Variants in AK3 observed in about 807,000 individuals in gnomAD.
AK3 encodes GTP:AMP phosphotransferase AK3, mitochondrial.
AK3 carries 27 observed loss-of-function variants against 23.7 expected under a neutral mutation model. The observed-to-expected ratio is 1.14, with a 90% confidence interval of 0.84 to 1.57. The LOEUF is 1.57. Ranked by LOEUF, AK3 falls within the 40% of genes most tolerant of loss-of-function variation. AK3 has a pLI of 0.00. For missense variants in AK3, 406 were observed against 285.6 expected, an observed-to-expected ratio of 1.42 and a Z score of -3.04; for synonymous variants, 159 against 116.0, an observed-to-expected ratio of 1.37 and a Z score of -2.38.
intron 2 of AK3, 78 bp from the exon 3 acceptor site, chr9:4,719,385 A>C: frequency 9.2e-7 from 1 of 1,087,184 alleles, no homozygotes; most frequent in Non-Finnish European, 1.3e-6. Flanking sequence ...TGGAGAAAGA[A>C]GAAAGAAAAA....
intron 1 of AK3, among the ~76,000 whole-genome samples, chr9:4,734,123 G>T (rs908065054): frequency 6.6e-6 from 1 of 152,156 alleles, no homozygotes; most frequent in Non-Finnish European, 1.5e-5. Context: ...GGTCATAATG[G>T]GAGGGCACTA....
rs933300875 is a variant in AK3 at position 4,711,340 on chromosome 9, A to G, written c.*1636T>C. Reference sequence around the variant, plus strand: ...ATGCTTGATAACCTAGTGATAATCCATAAGTTTGGTATTTCACAACATTTT... The same window carrying G: ...ATGCTTGATAACCTAGTGATAATCCGTAAGTTTGGTATTTCACAACATTTT... On this transcript the variant is annotated 3_prime_UTR_variant, in exon 5 of 5. Transcript: ENST00000381809. 2 of 151,894 alleles carry G rather than the reference A, an allele frequency of 1.3e-5. No homozygotes were observed. Among genetic ancestry groups the G allele is most frequent in the South Asian group, 2.1e-4 (1 of 4,830 alleles). 9.4% of individuals were successfully genotyped at this position (151,894 alleles called of 1,614,324 possible).
At chr9:4,729,837 A>G (rs1367049305) in intron 1 of AK3, among the ~76,000 whole-genome samples, 3 of 151,740 alleles carry the variant, frequency 2.0e-5, no homozygotes, top group African/African-American at 4.8e-5. Context: ...GTCTCTTAAA[A>G]AAAAAAAAAA....
intron 1 of AK3, among the ~76,000 whole-genome samples, chr9:4,736,997 G>A (rs1429105845): frequency 6.7e-6 from 1 of 149,296 alleles, no homozygotes; most frequent in African/African-American, 2.4e-5. Flanking sequence ...TCTCTGAGAC[G>A]CACTATGCTA....
At chr9:4,723,410 C>T (rs1841950560) in intron 1 of AK3, among the ~76,000 whole-genome samples, 1 of 152,136 alleles carries the variant, frequency 6.6e-6, no homozygotes, top group Non-Finnish European at 1.5e-5. Context: ...GTGCTGCTAT[C>T]GTGACACAAT....
At chr9:4,734,764 TATGA>T (rs1309616257) in intron 1 of AK3, among the ~76,000 whole-genome samples, 1 of 152,232 alleles carries the variant, frequency 6.6e-6, no homozygotes, top group Non-Finnish European at 1.5e-5. Flanking sequence ...TTCACCAACT[TATGA>T]ATGGATAAAT....
intron 4 of AK3, among the ~76,000 whole-genome samples, chr9:4,715,391 C>CTTTTT (rs35400602): frequency 1.6e-5 from 2 of 127,116 alleles, no homozygotes; most frequent in East Asian, 2.3e-4. Flanking sequence ...TCCCTTACTA[C>CTTTTT]TTTTTTTTTT....
rs7028711 is a variant in AK3 at position 4,710,247 on chromosome 9, G to C, written c.*2729C>G. 1.3e-5 allele frequency: 2 copies of C among 151,666 alleles called. No homozygotes were observed. The highest frequency in any genetic ancestry group is 2.9e-5 in the Non-Finnish European group (2 of 68,046). 9.4% of individuals were successfully genotyped at this position (151,666 alleles called of 1,614,324 possible). ...TTTTGAGACGGAGTCTCCCTCTGTC[G>C]CCCAGGCTGGAGTGCAGTGGCACGA... On this transcript the variant is annotated 3_prime_UTR_variant, in exon 5 of 5. Transcript: ENST00000381809.
At chr9:4,732,154 G>A (rs990818797) in intron 1 of AK3, among the ~76,000 whole-genome samples, 4 of 151,900 alleles carry the variant, frequency 2.6e-5, no homozygotes, top group African/African-American at 9.7e-5. Flanking sequence ...GTCTTGCTTT[G>A]CCCAAGCTGG....
At chr9:4,741,274 T>C (rs1842427924), upstream of AK3, 3 of 535,664 alleles carry the variant, frequency 5.6e-6, no homozygotes, top group South Asian at 1.2e-4. Flanking sequence ...GACCCCGCTG[T>C]TGCGTCCGCC....
intron 2 of AK3, among the ~76,000 whole-genome samples, chr9:4,719,965 G>A (rs1841850770): frequency 2.5e-5 from 1 of 39,848 alleles, no homozygotes; most frequent in Non-Finnish European, 5.1e-5. Flanking sequence ...GTTGGGAGGC[G>A]AGGTGGGAGA....
In AK3 at chr9:4,712,870, T is replaced by A. The variant is rs1366234067; in HGVS notation, c.*106A>T. On this transcript the variant is annotated 3_prime_UTR_variant, in exon 5 of 5. Coordinates refer to ENST00000381809, the MANE Select transcript of AK3 (RefSeq NM_016282.4). ...ATCAGTAGAAATAAAAGTAATATAA[T>A]TTTCAAAGAATTCATACATACTAGA... 1.1e-5 allele frequency: 14 copies of A among 1,278,188 alleles called. No homozygotes were observed. The highest frequency in any genetic ancestry group is 4.3e-6 in the Non-Finnish European group (4 of 938,294). The allele number at this position is 1,278,188 out of a possible 1,614,324, so 79.2% of individuals were successfully genotyped here.
In AK3 at chr9:4,725,883, G is replaced by A. The variant is rs55982436; in HGVS notation, c.152-3258C>T. ...CAAGGAGATACTACTTCACATTCAC[G>A]AACATGGTTATAGTCAAAAAGACAC... On this transcript the variant is annotated intron_variant, in intron 1 of 4. Transcript: ENST00000381809. Among the ~76,000 whole-genome samples, 501 of 152,116 alleles carry A rather than the reference G, an allele frequency of 3.3e-3. 1 individual carries two copies. Among genetic ancestry groups the A allele is most frequent in the African/African-American group, 0.011 (475 of 41,486 alleles).
At position 4,722,631 on chromosome 9, in the gene AK3, G is replaced by A. The variant is rs760470441; in HGVS notation, c.152-6C>T. On this transcript the variant is annotated splice_region_variant and splice_polypyrimidine_tract_variant and intron_variant, in intron 1 of 4. Coordinates refer to ENST00000381809, the MANE Select transcript of AK3 (RefSeq NM_016282.4). Reference sequence around the variant, plus strand: ...CTTGGCTAACACGCCAATTTCTACAGCAAAGCGGGGAAAAAAATCAGTAAG... The same window carrying A: ...CTTGGCTAACACGCCAATTTCTACAACAAAGCGGGGAAAAAAATCAGTAAG... 3.7e-6 allele frequency: 6 copies of A among 1,614,084 alleles called. No individual in the cohort carries two copies. In the South Asian group the frequency reaches 6.6e-5, roughly 18 times the overall value.
At chr9:4,718,894 C>T (rs144243509) in intron 3 of AK3, among the ~76,000 whole-genome samples, 48 of 152,342 alleles carry the variant, frequency 3.2e-4, no homozygotes, top group African/African-American at 1.1e-3. Flanking sequence ...TCCTAACACA[C>T]TCCTTGGCAG....
upstream of AK3, chr9:4,741,205 G>C (rs965506392): frequency 4.4e-4 from 521 of 1,172,814 alleles, 1 homozygote; most frequent in Non-Finnish European, 4.8e-4. Context: ...CGGCTACTGC[G>C]GTTCCCCGGC....
chr9:4,715,233 AAAAG>A (rs1554624866), intron 4 of AK3, among the ~76,000 whole-genome samples: 2 of 148,720 alleles, frequency 1.3e-5, no homozygotes, highest in Non-Finnish European at 3.0e-5. Context: ...AAAAAAAAAA[AAAAG>A]AAAGAAGGAA....
intron 2 of AK3, among the ~76,000 whole-genome samples, chr9:4,720,593 G>A (rs914348414): frequency 6.6e-6 from 1 of 151,838 alleles, no homozygotes. Flanking sequence ...AGGAGGCTGA[G>A]GCAGGAGGAT....
chr9:4,728,942 TACATACATATATATACACATACATATA>T (rs1842085359), intron 1 of AK3, among the ~76,000 whole-genome samples: 1 of 143,102 alleles, frequency 7.0e-6, no homozygotes. Flanking sequence ...CATACATATA[TACATACATATATATACACATACATATA>T]TATACCTACA....
Sources: allele counts gnomAD v4.1 joint callset (sites outside exome capture counted in the v4.1 genomes callset), GRCh38; gene constraint gnomAD v4.1.1; transcripts MANE v1.5; gene names NCBI Gene and HGNC (gene_info 2026-07-23, HGNC 2026-07-21).